POU2F2: variants seen among roughly 807,000 people sequenced by gnomAD.
POU2F2 encodes POU class 2 homeobox 2, also known as POU domain, class 2, transcription factor 2.
In POU2F2, 14 loss-of-function variants were observed where a neutral mutation model predicts 63.5. That is an observed-to-expected ratio of 0.22 (90% CI 0.15 to 0.34). POU2F2 has a LOEUF of 0.34. Ranked by LOEUF, POU2F2 falls within the 10% of genes least tolerant of loss-of-function variation. The pLI, the probability that POU2F2 is intolerant of heterozygous loss-of-function variation, is 1.00. For missense variants in POU2F2, 607 were observed against 815.2 expected (o/e 0.74, Z 3.11); for synonymous variants, 306 against 348.6 (o/e 0.88, Z 1.36).
In POU2F2 at chr19:42,152,341, G is replaced by A. The variant is rs1421775679; in HGVS notation, c.-9+7991C>T. The stretch of plus-strand genomic sequence containing the variant: ...GGGCCTCTTTTGGAGGGGGTGGGAT[G>A]GGCTCACACATGCCCCCACAGCCTG... On this transcript the variant is annotated intron_variant, in intron 2 of 6. Coordinates refer to the POU2F2 transcript ENST00000524801. The surrounding 1 kb of genome is among the most constrained non-coding windows in gnomAD (Gnocchi z 4.1). Among the ~76,000 whole-genome samples the A allele has an allele frequency of 3.3e-5, 5 of 152,094 alleles. No homozygotes were observed. The highest frequency in any genetic ancestry group is 2.1e-4 in the South Asian group (1 of 4,826).
chr19:42,122,028 A>G, intron 4 of POU2F2, 98 bp downstream of exon 4: 1 of 1,283,866 alleles, frequency 7.8e-7, no homozygotes, highest in Admixed American at 1.7e-5. Context: ...CAAGGTACCA[A>G]GGCTCAGTGC....
rs1568416346 is a variant in POU2F2, at chr19:42,153,825, G to A, written c.-9+6507C>T. ...AACCCTGAGTCTCTGAGTGGGGGAGGGTGGCGAGGCAGCAGGGGCTGCCAC... is the reference window on the plus strand; with the variant it reads ...AACCCTGAGTCTCTGAGTGGGGGAGAGTGGCGAGGCAGCAGGGGCTGCCAC... On this transcript the variant is annotated intron_variant, in intron 2 of 6. Transcript: ENST00000524801. The surrounding 1 kb of genome is among the most constrained non-coding windows in gnomAD (Gnocchi z 5.6). Among the ~76,000 whole-genome samples the A allele has an allele frequency of 6.6e-6, 1 of 152,080 alleles. No individual in the cohort carries two copies. Among genetic ancestry groups the A allele is most frequent in the Non-Finnish European group, 1.5e-5 (1 of 68,002 alleles).
Position 42,126,530 on chromosome 19 carries a change from T to C in POU2F2, c.29-3954A>G, listed in dbSNP as rs114332847. On this transcript the variant is annotated intron_variant, in intron 1 of 14. Transcript: ENST00000692977. The stretch of plus-strand genomic sequence containing the variant: ...ATATGAAGACCCAGGAGAAGACCAG[T>C]GGACCACAAGCCAAGGAGAGAGGCC... Among the ~76,000 whole-genome samples, 1,190 of 151,980 alleles carry C rather than the reference T, an allele frequency of 7.8e-3. 15 individuals carry two copies. The highest frequency in any genetic ancestry group is 0.028 in the African/African-American group (1,139 of 41,406).
At chr19:42,109,577 T>A (rs2030737239) in intron 5 of POU2F2, among the ~76,000 whole-genome samples, 1 of 152,240 alleles carries the variant, frequency 6.6e-6, no homozygotes. Context: ...GGTGTTCTAT[T>A]GCACGGTGAC....
intron 1 of POU2F2, among the ~76,000 whole-genome samples, chr19:42,186,552 A>G (rs1241524344): frequency 6.6e-6 from 1 of 151,820 alleles, no homozygotes; most frequent in Non-Finnish European, 1.5e-5. Flanking sequence ...TTGATCTAGG[A>G]GGCCATGGGG....
At chr19:42,121,059 T>C (rs1007107996) in intron 4 of POU2F2, among the ~76,000 whole-genome samples, 3 of 152,086 alleles carry the variant, frequency 2.0e-5, no homozygotes, top group African/African-American at 7.2e-5. Flanking sequence ...GAAACCTTCA[T>C]TCCCTTGGTC....
At position 42,099,726 on chromosome 19, in the gene POU2F2, C is replaced by G; in HGVS notation, c.465G>C (p.Gln155His). ...GGGTGGGGGCCTTACCTGGCTGGCTCTGCTGGGCCTGCGGTAGCAGGAACT... is the reference window on the plus strand; with the variant it reads ...GGGTGGGGGCCTTACCTGGCTGGCTGTGCTGGGCCTGCGGTAGCAGGAACT... The part of the protein sequence containing the change: ...PAQFLLPQAQ[Q>H]SQPGLLPTPN... Residue 155 changes from glutamine to histidine, a missense_variant, in exon 6 of 15, where the codon CAG becomes CAC. Gln to His is a conservative substitution (Grantham distance 24, BLOSUM62 0). Transcript: ENST00000692977. 6.3e-7 allele frequency: 1 copy of G among 1,593,476 alleles called. No individual in the cohort carries two copies. Among genetic ancestry groups the G allele is most frequent in the Non-Finnish European group, 8.6e-7 (1 of 1,169,078 alleles).
At chr19:42,179,365 G>T (rs1190448989), upstream of POU2F2, among the ~76,000 whole-genome samples, 2 of 152,144 alleles carry the variant, frequency 1.3e-5, no homozygotes, top group Non-Finnish European at 2.9e-5. Flanking sequence ...AAGGCCAAGG[G>T]TGAAGGGGCT....
intron 1 of POU2F2, among the ~76,000 whole-genome samples, chr19:42,192,908 G>C (rs1211908973): frequency 6.6e-6 from 1 of 152,144 alleles, no homozygotes; most frequent in East Asian, 1.9e-4. Flanking sequence ...AATAGTTGGA[G>C]AGTGTAGTGT....
At chr19:42,150,381 G>A (rs2034317687) in intron 2 of POU2F2, among the ~76,000 whole-genome samples, 2 of 143,944 alleles carry the variant, frequency 1.4e-5, no homozygotes, top group African/African-American at 5.1e-5. Flanking sequence ...GGTGATGGAC[G>A]ATGCTGATCC....
intron 5 of POU2F2, among the ~76,000 whole-genome samples, chr19:42,109,072 T>A (rs1012423193): frequency 4.6e-5 from 7 of 152,236 alleles, no homozygotes; most frequent in Admixed American, 4.6e-4. Flanking sequence ...AAGGTTGATA[T>A]GTGGATTGCA....
In POU2F2 at chr19:42,091,028, C is replaced by A; in HGVS notation, c.*229G>T. On this transcript the variant is annotated 3_prime_UTR_variant, in exon 15 of 15. Transcript: ENST00000692977. ...TTTTGTTTGTTTTTCACCTCTGGTT[C>A]CTTTGGGGCAGCTGGTTTCTGTTGT... The A allele has an allele frequency of 1.4e-5, 4 of 286,114 alleles. No individual in the cohort carries two copies. Among genetic ancestry groups the A allele is most frequent in the Non-Finnish European group, 1.8e-5 (3 of 163,338 alleles). The allele number at this position is 286,114 out of a possible 1,614,324, so 17.7% of individuals were successfully genotyped here.
At chr19:42,187,456 CAAAA>C (rs35993667) in intron 1 of POU2F2, among the ~76,000 whole-genome samples, 2 of 48,944 alleles carry the variant, frequency 4.1e-5, no homozygotes, top group Middle Eastern at 0.014. Context: ...GACTCTGTCT[CAAAA>C]AAAAAAAAAA....
intron 6 of POU2F2, 44 bp downstream of exon 6, chr19:42,099,672 T>G (rs747257030): frequency 1.2e-6 from 2 of 1,602,412 alleles, no homozygotes; most frequent in Non-Finnish European, 1.7e-6. Flanking sequence ...GGTGAGGAAG[T>G]TCTGTGGAGG....
chr19:42,187,793 G>C (rs1399648137), intron 1 of POU2F2, among the ~76,000 whole-genome samples: 1 of 149,694 alleles, frequency 6.7e-6, no homozygotes, highest in Non-Finnish European at 1.5e-5. Context: ...GGTGGGCAGA[G>C]AAATGAAGTC....
intron 1 of POU2F2, among the ~76,000 whole-genome samples, chr19:42,128,886 G>A (rs2033443400): frequency 6.6e-6 from 1 of 151,606 alleles, no homozygotes; most frequent in African/African-American, 2.4e-5. Context: ...AGGCTGGAGT[G>A]CAATGGTATG....
chr19:42,134,830 C>T (rs765036190), upstream of POU2F2, among the ~76,000 whole-genome samples: 10 of 152,082 alleles, frequency 6.6e-5, no homozygotes, highest in Non-Finnish European at 1.3e-4. Flanking sequence ...TATTTCTCGC[C>T]GGATCGATAC....
At chr19:42,184,126 G>C (rs1211739081) in intron 1 of POU2F2, among the ~76,000 whole-genome samples, 1 of 151,822 alleles carries the variant, frequency 6.6e-6, no homozygotes, top group Non-Finnish European at 1.5e-5. Flanking sequence ...GAGTAGCTGG[G>C]ACGACAGGCG....
chr19:42,167,105 G>T (rs2034667603), intron 1 of POU2F2, among the ~76,000 whole-genome samples: 1 of 152,172 alleles, frequency 6.6e-6, no homozygotes, highest in Non-Finnish European at 1.5e-5. Flanking sequence ...TGATACACAA[G>T]AAAATATATT....
Sources: gnomAD v4.1 joint callset for allele counts (sites outside exome capture counted in the v4.1 genomes callset) on GRCh38, gnomAD v4.1.1 for gene constraint, Gnocchi (gnomAD v3.1) non-coding constraint, MANE v1.5 for transcripts, NCBI Gene and HGNC (gene_info 2026-07-23, HGNC 2026-07-21) for gene names.